Variants in HS2ST1 observed in about 807,000 individuals in gnomAD.
HS2ST1 encodes the protein 2-O-sulfotransferase.
A neutral mutation model predicts 42.9 loss-of-function variants in HS2ST1; 18 were observed. The ratio of observed to expected loss-of-function variants is 0.42; its 90% CI spans 0.29 to 0.62. The LOEUF (loss-of-function observed/expected upper bound fraction) is 0.62. Among genes scored for constraint, HS2ST1 ranks in the 20% least tolerant of loss-of-function variants. The pLI is 0.21. For synonymous variants in HS2ST1, 146 were observed against 152.9 expected, an observed-to-expected ratio of 0.95 and a Z score of 0.33; for missense variants, 334 against 433.8, an observed-to-expected ratio of 0.77 and a Z score of 2.04.
chr1:87,000,916 T>A (rs982225545), intron 1 of HS2ST1, among the ~76,000 whole-genome samples: 1 of 152,176 alleles, frequency 6.6e-6, no homozygotes, highest in Non-Finnish European at 1.5e-5. Context: ...CTAGAGATAT[T>A]TAAGATACCA....
intron 1 of HS2ST1, among the ~76,000 whole-genome samples, chr1:86,949,736 G>C (rs935998361): frequency 1.3e-5 from 2 of 152,192 alleles, no homozygotes; most frequent in Non-Finnish European, 2.9e-5. Flanking sequence ...CGATGGTGCA[G>C]AACATTTTCA....
chr1:87,018,323 G>A (rs7520615), intron 1 of HS2ST1, among the ~76,000 whole-genome samples: 149,934 of 152,334 alleles, frequency 0.98, 73,832 homozygotes, highest in Middle Eastern at 1. Context: ...GAGGAAGGGA[G>A]CTTCTTTACT....
intron 1 of HS2ST1, among the ~76,000 whole-genome samples, chr1:86,944,916 A>G (rs1273849906): frequency 6.6e-6 from 1 of 151,290 alleles, no homozygotes; most frequent in African/African-American, 2.4e-5. Flanking sequence ...CCCCACTTCC[A>G]TTGTACGTTT....
At chr1:87,070,217 G>T (rs1651368768) in intron 1 of HS2ST1, among the ~76,000 whole-genome samples, 2 of 152,172 alleles carry the variant, frequency 1.3e-5, no homozygotes, top group Admixed American at 1.3e-4. Flanking sequence ...TAGTAGAAAA[G>T]GGGAGGGTGT....
At chr1:87,024,667 A>C (rs1474181330) in intron 1 of HS2ST1, among the ~76,000 whole-genome samples, 1 of 152,158 alleles carries the variant, frequency 6.6e-6, no homozygotes, top group Non-Finnish European at 1.5e-5. Context: ...TGCTGTAAGG[A>C]TTGAGAAAAG....
intron 1 of HS2ST1, among the ~76,000 whole-genome samples, chr1:86,922,393 A>G (rs1215522099): frequency 6.7e-6 from 1 of 149,076 alleles, no homozygotes; most frequent in African/African-American, 2.5e-5. Context: ...TTGCTGACAT[A>G]TTTACCATTC....
chr1:87,024,645 A>G (rs1404499313), intron 1 of HS2ST1, among the ~76,000 whole-genome samples: 2 of 152,186 alleles, frequency 1.3e-5, no homozygotes, highest in African/African-American at 4.8e-5. Flanking sequence ...AATTAAATGT[A>G]TCTCATGGGA....
At chr1:87,079,748 A>G (rs1651636509) in intron 2 of HS2ST1, among the ~76,000 whole-genome samples, 1 of 151,966 alleles carries the variant, frequency 6.6e-6, no homozygotes, top group African/African-American at 2.4e-5. Context: ...GACTTTAACA[A>G]TAGTAGAGGC....
At chr1:86,931,410 GTA>G (rs1660537057) in intron 1 of HS2ST1, among the ~76,000 whole-genome samples, 1 of 151,932 alleles carries the variant, frequency 6.6e-6, no homozygotes, top group South Asian at 2.1e-4. Flanking sequence ...GGGTAGTGAG[GTA>G]TTAAAGTACC....
At chr1:86,972,780 A>C (rs80085683) in intron 1 of HS2ST1, among the ~76,000 whole-genome samples, 3,651 of 152,272 alleles carry the variant, frequency 0.024, 46 homozygotes, top group South Asian at 0.053. Flanking sequence ...TATGTTATTA[A>C]CTGCAGGCCT....
intron 1 of HS2ST1, among the ~76,000 whole-genome samples, chr1:86,967,861 T>G (rs1007334070): frequency 2.6e-5 from 4 of 152,234 alleles, no homozygotes; most frequent in Non-Finnish European, 5.9e-5. Flanking sequence ...TTTAGTTCTT[T>G]AAGGAATCTC....
intron 1 of HS2ST1, among the ~76,000 whole-genome samples, chr1:87,059,054 G>C (rs1253596520): frequency 6.6e-6 from 1 of 152,050 alleles, no homozygotes; most frequent in African/African-American, 2.4e-5. Context: ...GTGAGACTCC[G>C]TCTCAAAAAA....
At chr1:87,049,576 A>G (rs1650782568) in intron 1 of HS2ST1, among the ~76,000 whole-genome samples, 1 of 151,970 alleles carries the variant, frequency 6.6e-6, no homozygotes, top group Non-Finnish European at 1.5e-5. Context: ...TGGACATTTC[A>G]AATGTCTTTT....
At chr1:86,968,633 T>G (rs992281548) in intron 1 of HS2ST1, among the ~76,000 whole-genome samples, 12 of 152,096 alleles carry the variant, frequency 7.9e-5, no homozygotes, top group African/African-American at 2.9e-4. Flanking sequence ...TCGGGACTCC[T>G]GGCCTCAAGC....
intron 1 of HS2ST1, chr1:86,934,393 C>CCT: frequency 6.6e-6 from 1 of 152,372 alleles, no homozygotes; most frequent in Non-Finnish European, 1.5e-5. Flanking sequence ...AGGAAAGTTT[C>CCT]CTCTGTCTCT....
At chr1:87,032,518 T>G (rs961147936) in intron 1 of HS2ST1, among the ~76,000 whole-genome samples, 24 of 152,164 alleles carry the variant, frequency 1.6e-4, no homozygotes, top group Admixed American at 1.6e-3. Flanking sequence ...CGTTTGAAAC[T>G]CCCTTTTTTA....
At chr1:87,078,904 A>G (rs529811757) in intron 2 of HS2ST1, among the ~76,000 whole-genome samples, 1 of 152,302 alleles carries the variant, frequency 6.6e-6, no homozygotes, top group East Asian at 1.9e-4. Context: ...CTGGGACTAG[A>G]CTGATGAGAG....
intron 1 of HS2ST1, among the ~76,000 whole-genome samples, chr1:86,919,535 C>T (rs910302015): frequency 2.0e-5 from 3 of 152,128 alleles, no homozygotes; most frequent in African/African-American, 4.8e-5. Flanking sequence ...AACATTCCTT[C>T]TTTTAATCAC....
intron 5 of HS2ST1, among the ~76,000 whole-genome samples, chr1:87,099,080 G>A (rs1256662586): frequency 6.6e-6 from 1 of 152,100 alleles, no homozygotes; most frequent in Non-Finnish European, 1.5e-5. Context: ...GCCCAGCTGT[G>A]TCACCTGTTT....
Sources: gnomAD v4.1 joint callset for allele counts (sites outside exome capture counted in the v4.1 genomes callset) on GRCh38, gnomAD v4.1.1 for gene constraint, MANE v1.5 for transcripts, NCBI Gene and HGNC (gene_info 2026-07-23, HGNC 2026-07-21) for gene names.